CETN3: variants seen among roughly 807,000 people sequenced by gnomAD.
CETN3 encodes the protein centrin 3.
A neutral mutation model predicts 20.1 loss-of-function variants in CETN3; 17 were observed. That is an observed-to-expected ratio of 0.85 (90% CI 0.58 to 1.27). The LOEUF is 1.27. Among genes scored for constraint, CETN3 ranks in the 50% most tolerant of loss-of-function variants. The pLI is 0.00. For missense variants in CETN3, 169 were observed against 191.2 expected (o/e 0.88, Z 0.69); for synonymous variants, 52 against 59.7 (o/e 0.87, Z 0.59).
At chr5:90,394,944 G>C (rs1025014586) in intron 4 of CETN3, among the ~76,000 whole-genome samples, 6 of 152,022 alleles carry the variant, frequency 3.9e-5, no homozygotes, top group Non-Finnish European at 7.4e-5. Flanking sequence ...AGATACTTCT[G>C]GTAAGTATTT....
Position 90,408,315 on chromosome 5 carries a change from CA to C in CETN3, c.18-482del, listed in dbSNP as rs1048120299. Among the ~76,000 whole-genome samples the C allele has an allele frequency of 5.1e-3, 767 of 150,852 alleles. 5 individuals carry two copies. The highest frequency in any genetic ancestry group is 0.016 in the African/African-American group (659 of 41,172). ...TCTGATAATTATGTTCATAAAATTA[CA>C]AAAAAAAAGTGAATTAACTTATACA... On this transcript the variant is annotated intron_variant, in intron 1 of 4. Transcript: ENST00000283122.
In CETN3 at chr5:90,409,699, T is replaced by C; in HGVS notation, c.-38A>G. On this transcript the variant is annotated 5_prime_UTR_variant, in exon 1 of 5. Transcript: ENST00000283122. The stretch of plus-strand genomic sequence containing the variant: ...CAGAGACGTTCCTCTCAAGAACGAT[T>C]TTAACCCCCTACCCAAGGCAGCAAG... 1 of 1,613,970 alleles carries C rather than the reference T, an allele frequency of 6.2e-7. No homozygotes were observed.
chr5:90,402,715 G>T (rs1368669624), intron 3 of CETN3, among the ~76,000 whole-genome samples: 1 of 152,184 alleles, frequency 6.6e-6, no homozygotes, highest in Non-Finnish European at 1.5e-5. Flanking sequence ...CATAAAAGAA[G>T]GGGTGTGGTG....
intron 3 of CETN3, chr5:90,405,432 A>G (rs887577460): frequency 2.3e-6 from 1 of 443,268 alleles, no homozygotes; most frequent in Non-Finnish European, 3.9e-6. Flanking sequence ...GCATCTTTCT[A>G]TAAAAAGCTA....
At chr5:90,400,198 C>CA (rs994317230) in intron 3 of CETN3, among the ~76,000 whole-genome samples, 193 of 151,688 alleles carry the variant, frequency 1.3e-3, no homozygotes, top group African/African-American at 4.5e-3. Context: ...AAAGCCCACC[C>CA]AAAAAAAACC....
At position 90,401,704 on chromosome 5, in the gene CETN3, C is replaced by T. The variant is rs137909592; in HGVS notation, c.269-2155G>A. On this transcript the variant is annotated intron_variant, in intron 3 of 4. Coordinates refer to ENST00000283122, the MANE Select transcript of CETN3 (RefSeq NM_004365.4). The stretch of plus-strand genomic sequence containing the variant: ...GGACTCCAAACTCATTCCACTACCA[C>T]CATAGTAACTGCAGCTGCCTCCCCT... Among the ~76,000 whole-genome samples, 406 of 152,256 alleles carry T rather than the reference C, an allele frequency of 2.7e-3. 3 individuals carry two copies. Among genetic ancestry groups the T allele is most frequent in the African/African-American group, 9.2e-3 (381 of 41,534 alleles).
In CETN3 at chr5:90,408,631, T is replaced by C. The variant is rs377752799; in HGVS notation, c.18-797A>G. ...TATTTTAAAGCCAGAAATGTTTTCC[T>C]TAAGAGCTGCCCATCTAAATGTGCT... On this transcript the variant is annotated intron_variant, in intron 1 of 4. Coordinates refer to ENST00000283122, the MANE Select transcript of CETN3 (RefSeq NM_004365.4). 4.6e-5 allele frequency among the ~76,000 whole-genome samples: 7 copies of C among 152,174 alleles called. No homozygotes were observed. In the East Asian group the frequency reaches 1.3e-3, roughly 29 times the overall value.
chr5:90,409,751 A>T lies in CETN3; in HGVS notation c.-90T>A. The T allele has an allele frequency of 1.3e-6, 2 of 1,501,424 alleles. No individual in the cohort carries two copies. The highest frequency in any genetic ancestry group is 1.9e-6 in the Non-Finnish European group (2 of 1,078,376). The allele number at this position is 1,501,424 out of a possible 1,614,324, so 93.0% of individuals were successfully genotyped here. On this transcript the variant is annotated 5_prime_UTR_variant, in exon 1 of 5. Transcript: ENST00000283122. Reference sequence around the variant, plus strand: ...CGCCCACAGCCGTTCAACAGACACGAACGACCTCAGCGGCCTCAGGGACCT... The same window carrying T: ...CGCCCACAGCCGTTCAACAGACACGTACGACCTCAGCGGCCTCAGGGACCT...
At chr5:90,397,646 T>C (rs1749166404) in intron 4 of CETN3, among the ~76,000 whole-genome samples, 1 of 152,158 alleles carries the variant, frequency 6.6e-6, no homozygotes, top group South Asian at 2.1e-4. Context: ...TAAAACTCCA[T>C]AAACATAGAA....
chr5:90,395,983 CTATT>C, intron 4 of CETN3: 1 of 888,260 alleles, frequency 1.1e-6, no homozygotes, highest in Non-Finnish European at 1.3e-6. Context: ...ACACAAAATA[CTATT>C]TATTATTAAA....
At chr5:90,397,498 A>G (rs1749162235) in intron 4 of CETN3, among the ~76,000 whole-genome samples, 1 of 152,126 alleles carries the variant, frequency 6.6e-6, no homozygotes, top group African/African-American at 2.4e-5. Flanking sequence ...GTTGCTAACA[A>G]TAAGAATTTT....
chr5:90,397,868 T>C (rs548458518), intron 4 of CETN3, among the ~76,000 whole-genome samples: 9 of 152,268 alleles, frequency 5.9e-5, no homozygotes, highest in Middle Eastern at 3.4e-3. Flanking sequence ...ATAGGTATAA[T>C]ACTATATCTA....
At chr5:90,407,161 A>G (rs1354685519) in intron 2 of CETN3, among the ~76,000 whole-genome samples, 1 of 152,042 alleles carries the variant, frequency 6.6e-6, no homozygotes, top group Non-Finnish European at 1.5e-5. Context: ...GACAAATAAT[A>G]ATTTACAAAT....
rs1749419531 is a variant in CETN3 at position 90,405,677 on chromosome 5, A to AT, written c.268+7dup. The stretch of plus-strand genomic sequence containing the variant: ...GCTGCTGATTACAAAGACTATTAAA[A>AT]TACACACCAACTTCATTAAAATCTT... On this transcript the variant is annotated splice_region_variant and intron_variant, in intron 3 of 4. Coordinates refer to ENST00000283122, the MANE Select transcript of CETN3 (RefSeq NM_004365.4). 3 of 1,531,536 alleles carry AT rather than the reference A, an allele frequency of 2.0e-6. No individual in the cohort carries two copies. Among genetic ancestry groups the AT allele is most frequent in the African/African-American group, 1.4e-5 (1 of 73,316 alleles). 94.9% of individuals were successfully genotyped at this position (1,531,536 alleles called of 1,614,324 possible).
chr5:90,402,895 A>ACC (rs1253292661), intron 3 of CETN3, among the ~76,000 whole-genome samples: 12 of 152,328 alleles, frequency 7.9e-5, no homozygotes, highest in Admixed American at 5.2e-4. Context: ...CTTCTTCCCA[A>ACC]CCCCAGTACA....
chr5:90,406,599 G>C (rs1186468521), intron 2 of CETN3, among the ~76,000 whole-genome samples: 1 of 151,814 alleles, frequency 6.6e-6, no homozygotes, highest in Non-Finnish European at 1.5e-5. Context: ...ACATTCAGTA[G>C]AAAGCAAAGG....
intron 3 of CETN3, among the ~76,000 whole-genome samples, chr5:90,403,350 T>C (rs1749348420): frequency 6.6e-6 from 1 of 152,228 alleles, no homozygotes; most frequent in Non-Finnish European, 1.5e-5. Context: ...CAAACAGTAA[T>C]ACATTTTTAT....
intron 2 of CETN3, among the ~76,000 whole-genome samples, chr5:90,407,250 A>G (rs116716237): frequency 0.013 from 1,939 of 152,248 alleles, 48 homozygotes; most frequent in African/African-American, 0.044. Context: ...AAACAGCACT[A>G]AAGTTGTTTG....
intron 4 of CETN3, among the ~76,000 whole-genome samples, chr5:90,395,354 A>G (rs1467590452): frequency 6.6e-6 from 1 of 152,184 alleles, no homozygotes; most frequent in South Asian, 2.1e-4. Flanking sequence ...CTTAAGTGTA[A>G]CATTGGTATC....
Sources: gnomAD v4.1 joint callset for allele counts (sites outside exome capture counted in the v4.1 genomes callset) on GRCh38, gnomAD v4.1.1 for gene constraint, MANE v1.5 for transcripts, NCBI Gene and HGNC (gene_info 2026-07-23, HGNC 2026-07-21) for gene names.